The following GALNTL6 variants were observed in gnomAD, a reference collection of about 807,000 sequenced individuals.
GALNTL6 encodes the protein polypeptide N-acetylgalactosaminyltransferase-like 6.
In GALNTL6, 46 loss-of-function variants were observed where a neutral mutation model predicts 73.7. The ratio of observed to expected loss-of-function variants is 0.62; its 90% confidence interval spans 0.49 to 0.80. GALNTL6 has a LOEUF of 0.80. Among genes scored for constraint, GALNTL6 ranks in the 30% least tolerant of loss-of-function variants. GALNTL6 has a pLI of 0.00. For missense variants in GALNTL6, 604 were observed against 755.0 expected (o/e 0.80, Z 2.34); for synonymous variants, 259 against 263.7 (o/e 0.98, Z 0.17).
chr4:171,947,048 G>A (rs1738722351), intron 2 of GALNTL6, among the ~76,000 whole-genome samples: 1 of 151,898 alleles, frequency 6.6e-6, no homozygotes, highest in South Asian at 2.1e-4. Context: ...AAGAATAACT[G>A]GCTATTACCT....
intron 2 of GALNTL6, among the ~76,000 whole-genome samples, chr4:171,832,674 G>A (rs1735010221): frequency 6.6e-6 from 1 of 151,470 alleles, no homozygotes; most frequent in Non-Finnish European, 1.5e-5. Flanking sequence ...TGGTTTATTG[G>A]TTTTATTTGA....
chr4:172,758,466 G>A (rs1256170731), intron 5 of GALNTL6, among the ~76,000 whole-genome samples: 1 of 152,136 alleles, frequency 6.6e-6, no homozygotes, highest in Admixed American at 6.5e-5. Flanking sequence ...AACCCAGGAG[G>A]CAGAGGTTTC....
At chr4:172,358,913 G>A (rs991111011) in intron 5 of GALNTL6, among the ~76,000 whole-genome samples, 2 of 145,796 alleles carry the variant, frequency 1.4e-5, no homozygotes, top group African/African-American at 5.1e-5. Context: ...AGAAAAGAGA[G>A]CACTTATACA....
At chr4:172,488,432 T>C (rs905464557) in intron 5 of GALNTL6, among the ~76,000 whole-genome samples, 15 of 152,262 alleles carry the variant, frequency 9.9e-5, no homozygotes, top group African/African-American at 3.6e-4. Flanking sequence ...TTTGCAGAGA[T>C]CTTTACTCAT....
intron 10 of GALNTL6, among the ~76,000 whole-genome samples, chr4:172,958,675 G>C (rs1344028234): frequency 1.3e-5 from 2 of 152,192 alleles, no homozygotes; most frequent in Non-Finnish European, 2.9e-5. Context: ...TGTCGAGATA[G>C]GTAACAGATG....
chr4:171,971,634 A>G (rs536260859), intron 2 of GALNTL6, among the ~76,000 whole-genome samples: 1 of 152,326 alleles, frequency 6.6e-6, no homozygotes, highest in Non-Finnish European at 1.5e-5. Flanking sequence ...TTGCCAAAAT[A>G]TTAATAAAAT....
intron 2 of GALNTL6, among the ~76,000 whole-genome samples, chr4:171,827,552 T>C (rs1013487070): frequency 6.6e-6 from 1 of 152,194 alleles, no homozygotes; most frequent in Non-Finnish European, 1.5e-5. Context: ...TCCCAGACTA[T>C]TTTCTCTAAT....
intron 5 of GALNTL6, among the ~76,000 whole-genome samples, chr4:172,757,905 A>G (rs1340267035): frequency 6.6e-6 from 1 of 152,254 alleles, no homozygotes; most frequent in African/African-American, 2.4e-5. Flanking sequence ...GCACAAAAGC[A>G]TATGTTCTAC....
intron 5 of GALNTL6, among the ~76,000 whole-genome samples, chr4:172,491,277 T>A (rs1733883217): frequency 6.6e-6 from 1 of 152,286 alleles, no homozygotes; most frequent in African/African-American, 2.4e-5. Context: ...AAATAAATTT[T>A]ATGAATTATC....
chr4:171,854,857 G>A (rs1735640709), intron 2 of GALNTL6, among the ~76,000 whole-genome samples: 1 of 152,132 alleles, frequency 6.6e-6, no homozygotes, highest in African/African-American at 2.4e-5. Context: ...TCACATTGAG[G>A]ATTAGGTTTC....
chr4:172,993,295 T>C (rs1033093006), intron 10 of GALNTL6, among the ~76,000 whole-genome samples: 1 of 152,222 alleles, frequency 6.6e-6, no homozygotes, highest in South Asian at 2.1e-4. Flanking sequence ...AAAGTGGCCA[T>C]CTGCAAGCCT....
At chr4:172,622,368 A>C (rs1738995627) in intron 5 of GALNTL6, among the ~76,000 whole-genome samples, 1 of 152,202 alleles carries the variant, frequency 6.6e-6, no homozygotes, top group Non-Finnish European at 1.5e-5. Context: ...TTTTAGAAAC[A>C]AGGAACAGAA....
chr4:172,518,594 T>A (rs1439402892), intron 5 of GALNTL6, among the ~76,000 whole-genome samples: 1 of 151,978 alleles, frequency 6.6e-6, no homozygotes, highest in Non-Finnish European at 1.5e-5. Context: ...ATCTTTTTGA[T>A]TCTTTGGTCT....
chr4:172,201,523 T>A (rs1179866295), intron 2 of GALNTL6, among the ~76,000 whole-genome samples: 3 of 150,412 alleles, frequency 2.0e-5, no homozygotes, highest in African/African-American at 7.5e-5. Context: ...TTTTTTTGTT[T>A]TTTGTTTTTG....
At chr4:172,516,685 A>G (rs920317906) in intron 5 of GALNTL6, among the ~76,000 whole-genome samples, 1 of 152,190 alleles carries the variant, frequency 6.6e-6, no homozygotes, top group Non-Finnish European at 1.5e-5. Flanking sequence ...TTCTATGTAT[A>G]TACATCCAAA....
chr4:172,724,104 C>T (rs72706841), intron 5 of GALNTL6, among the ~76,000 whole-genome samples: 15 of 152,186 alleles, frequency 9.9e-5, no homozygotes, highest in Non-Finnish European at 2.2e-4. Flanking sequence ...TGATATCTTT[C>T]CAAAAGAGTG....
intron 2 of GALNTL6, among the ~76,000 whole-genome samples, chr4:171,924,183 T>TACACAC (rs371649848): frequency 0.017 from 2,493 of 142,526 alleles, 41 homozygotes; most frequent in African/African-American, 0.041. Context: ...ACCACACACA[T>TACACAC]ACACACACAC....
chr4:172,158,205 GATAT>G (rs1179769747), intron 2 of GALNTL6, among the ~76,000 whole-genome samples: 1 of 152,146 alleles, frequency 6.6e-6, no homozygotes, highest in African/African-American at 2.4e-5. Context: ...CTGTTGCTAG[GATAT>G]ATAACTATCA....
chr4:172,440,473 G>A (rs1030326064), intron 5 of GALNTL6, among the ~76,000 whole-genome samples: 1 of 152,112 alleles, frequency 6.6e-6, no homozygotes, highest in South Asian at 2.1e-4. Context: ...GTTGCTGAGG[G>A]TTGGGGTATT....
Sources: allele counts gnomAD v4.1 joint callset (sites outside exome capture counted in the v4.1 genomes callset), GRCh38; gene constraint gnomAD v4.1.1; transcripts MANE v1.5; gene names NCBI Gene and HGNC (gene_info 2026-07-23, HGNC 2026-07-21).